The following MEF2A variants were observed in gnomAD, a reference collection of about 807,000 sequenced individuals.
The protein encoded by MEF2A is myocyte-specific enhancer factor 2A.
In MEF2A, 28 loss-of-function variants were observed where a neutral mutation model predicts 55.8. The ratio of observed to expected loss-of-function variants is 0.50; its 90% CI spans 0.37 to 0.69. MEF2A has a LOEUF of 0.69. MEF2A is among the 30% of genes least tolerant of loss of function. MEF2A has a pLI of 0.00. For synonymous variants in MEF2A, 239 were observed against 227.1 expected (o/e 1.05, Z -0.47); for missense variants, 528 against 626.2 (o/e 0.84, Z 1.67).
rs535653333 is a variant in MEF2A, at chr15:99,710,579, T to C, written c.1010-55T>C. Reference sequence around the variant, plus strand: ...ACTTTTGCAGTAGCTACGTAAAAAATAGATTCCGTATGGACCTTCCATCAT... The same window carrying C: ...ACTTTTGCAGTAGCTACGTAAAAAACAGATTCCGTATGGACCTTCCATCAT... On this transcript the variant is annotated intron_variant, in intron 10 of 11. Coordinates refer to ENST00000557942, the MANE Select transcript of MEF2A (RefSeq NM_001319206.4). 3.2e-6 allele frequency: 5 copies of C among 1,573,978 alleles called. No individual in the cohort carries two copies. The East Asian group carries it at 1.1e-4, about 36-fold the overall frequency.
intron 3 of MEF2A, among the ~76,000 whole-genome samples, chr15:99,638,774 A>G (rs755882446): frequency 3.3e-5 from 5 of 152,138 alleles, no homozygotes; most frequent in East Asian, 1.9e-4. Context: ...CTGTAAGTCC[A>G]TATCTGATCC....
rs549838842 is a variant in MEF2A, at chr15:99,609,583, T to C, written c.-143+11072T>C. 1.3e-3 allele frequency among the ~76,000 whole-genome samples: 194 copies of C among 152,318 alleles called. 2 individuals are homozygous for C. The highest frequency in any genetic ancestry group is 4.5e-3 in the African/African-American group (189 of 41,582). The stretch of plus-strand genomic sequence containing the variant: ...ATAGCATGTACAATTGAGGCTCAAA[T>C]GGAATACCTTAGTCATTTTCCATAA... On this transcript the variant is annotated intron_variant, in intron 2 of 11. Coordinates refer to ENST00000557942, the MANE Select transcript of MEF2A (RefSeq NM_001319206.4).
chr15:99,712,521 AG>A lies in MEF2A; in HGVS notation c.1269del (p.Gln423HisfsTer34). On this transcript the variant is annotated frameshift_variant, in exon 12 of 12. Transcript: ENST00000557942. LOFTEE classifies it high-confidence loss of function. This position sits in a 1 kb window ranked among gnomAD's most constrained non-coding sequence, Gnocchi z 4.1. ...TPSGFQQQQQ[Q>X]QQQQQPPPPP... ...TCGGGCTTCCAGCAGCAGCAGCAGC[AG>A]CAGCAGCAGCAGCAGCCGCCGCCAC... 7 of 1,537,782 alleles carry A rather than the reference AG, an allele frequency of 4.6e-6. No individual in the cohort carries two copies. The highest frequency in any genetic ancestry group is 6.1e-6 in the Non-Finnish European group (7 of 1,142,320).
intron 10 of MEF2A, among the ~76,000 whole-genome samples, chr15:99,709,482 C>G (rs764528883): frequency 6.6e-6 from 1 of 152,188 alleles, no homozygotes; most frequent in Non-Finnish European, 1.5e-5. Context: ...GTCAGTGTGA[C>G]GGGTCCTTGC....
At chr15:99,665,731 CAAAAAAAAAA>C (rs752473261) in intron 4 of MEF2A, among the ~76,000 whole-genome samples, 273 of 20,260 alleles carry the variant, frequency 0.013, 6 homozygotes, top group African/African-American at 0.042. Flanking sequence ...CTTAAATTTA[CAAAAAAAAAA>C]AAAAAAAAAA....
Position 99,675,388 on chromosome 15 carries a change from A to G in MEF2A, c.611-11A>G, listed in dbSNP as rs1217027885. The G allele has an allele frequency of 6.2e-7, 1 of 1,613,294 alleles. No individual in the cohort carries two copies. Among genetic ancestry groups the G allele is most frequent in the Admixed American group, 1.7e-5 (1 of 60,014 alleles). On this transcript the variant is annotated splice_polypyrimidine_tract_variant and intron_variant, in intron 6 of 11. Coordinates refer to ENST00000557942, the MANE Select transcript of MEF2A (RefSeq NM_001319206.4). ...TCTCTGCCCTCTGTCTTCTCTCCGT[A>G]ACGTTGTTAGGTGGGATGTTGAGCA...
At chr15:99,677,073 A>G (rs1421262564) in intron 7 of MEF2A, among the ~76,000 whole-genome samples, 2 of 151,996 alleles carry the variant, frequency 1.3e-5, no homozygotes, top group African/African-American at 4.8e-5. Context: ...GTGAGCCGAG[A>G]TCATGCCACT....
intron 4 of MEF2A, among the ~76,000 whole-genome samples, chr15:99,664,190 T>G (rs978947770): frequency 1.3e-5 from 2 of 152,228 alleles, no homozygotes; most frequent in Non-Finnish European, 1.5e-5. Flanking sequence ...ACTAATAATG[T>G]GTTACCTAAA....
At chr15:99,682,160 C>T (rs2053369816) in intron 7 of MEF2A, among the ~76,000 whole-genome samples, 1 of 152,160 alleles carries the variant, frequency 6.6e-6, no homozygotes, top group Non-Finnish European at 1.5e-5. Context: ...ACACAGAGTA[C>T]TTGCCAGCTA....
At chr15:99,625,911 A>G (rs908371373) in intron 2 of MEF2A, among the ~76,000 whole-genome samples, 1 of 152,036 alleles carries the variant, frequency 6.6e-6, no homozygotes, top group Non-Finnish European at 1.5e-5. Context: ...TTCATAGGGT[A>G]TATTGGTCTA....
In MEF2A at chr15:99,645,775, T is replaced by C. The variant is rs2045862654; in HGVS notation, c.258+11T>C. On this transcript the variant is annotated intron_variant, in intron 4 of 11. Transcript: ENST00000557942. ...TCGGATATTGTTGAGGTAACACATA[T>C]CTAGTAATACGTGAATTGCAAGTAA... 9 of 1,559,468 alleles carry C rather than the reference T, an allele frequency of 5.8e-6. No homozygotes were observed. The highest frequency in any genetic ancestry group is 7.9e-6 in the Non-Finnish European group (9 of 1,144,160).
chr15:99,604,689 T>A (rs1054227336), intron 2 of MEF2A, among the ~76,000 whole-genome samples: 1 of 151,960 alleles, frequency 6.6e-6, no homozygotes, highest in Non-Finnish European at 1.5e-5. Flanking sequence ...TGGTTTGACA[T>A]TGTTGGGCTT....
At chr15:99,695,040 C>G (rs528569781) in intron 8 of MEF2A, among the ~76,000 whole-genome samples, 1 of 147,764 alleles carries the variant, frequency 6.8e-6, no homozygotes, top group South Asian at 2.3e-4. Flanking sequence ...ATAATATATT[C>G]TAGGCTTATC....
At chr15:99,705,419 C>T (rs1322112292) in intron 9 of MEF2A, among the ~76,000 whole-genome samples, 1 of 152,180 alleles carries the variant, frequency 6.6e-6, no homozygotes, top group Non-Finnish European at 1.5e-5. Context: ...TCATTTGATT[C>T]TCACAGTAGC....
intron 3 of MEF2A, among the ~76,000 whole-genome samples, chr15:99,640,737 T>G (rs1441525330): frequency 6.6e-6 from 1 of 151,826 alleles, no homozygotes; most frequent in Non-Finnish European, 1.5e-5. Flanking sequence ...TTTGCAGAGG[T>G]GAGGTCTCAC....
chr15:99,708,711 T>TG (rs1371928570), intron 10 of MEF2A, among the ~76,000 whole-genome samples: 1 of 152,142 alleles, frequency 6.6e-6, no homozygotes, highest in Non-Finnish European at 1.5e-5. Context: ...CAGTGAAGCC[T>TG]GGGGGGAAGG....
chr15:99,580,109 G>C (rs1965490209), intron 1 of MEF2A, among the ~76,000 whole-genome samples: 1 of 152,104 alleles, frequency 6.6e-6, no homozygotes, highest in Admixed American at 6.5e-5. Context: ...CTTTCCAGAT[G>C]ATCCTTAGGT....
intron 2 of MEF2A, among the ~76,000 whole-genome samples, chr15:99,608,344 A>G (rs913559177): frequency 4.6e-5 from 7 of 152,354 alleles, no homozygotes; most frequent in African/African-American, 1.7e-4. Context: ...TAATAGTAAC[A>G]GGCTGTAAAC....
intron 5 of MEF2A, among the ~76,000 whole-genome samples, chr15:99,673,769 C>G (rs2051337030): frequency 6.6e-6 from 1 of 152,024 alleles, no homozygotes; most frequent in South Asian, 2.1e-4. Context: ...ACTTTTATTA[C>G]TGGCTTGGTT....
Sources: gnomAD v4.1 joint callset for allele counts (sites outside exome capture counted in the v4.1 genomes callset) on GRCh38, gnomAD v4.1.1 for gene constraint, Gnocchi (gnomAD v3.1) non-coding constraint, MANE v1.5 for transcripts, NCBI Gene and HGNC (gene_info 2026-07-23, HGNC 2026-07-21) for gene names.